The following SLC16A14 variants were observed in gnomAD, a reference collection of about 807,000 sequenced individuals.
The protein encoded by SLC16A14 is solute carrier family 16 member 14.
In SLC16A14, 14 loss-of-function variants were observed where a neutral mutation model predicts 35.8. The ratio of observed to expected loss-of-function variants is 0.39; its 90% CI spans 0.26 to 0.61. SLC16A14 has a LOEUF of 0.61. Ranked by LOEUF, SLC16A14 falls within the 20% of genes least tolerant of loss-of-function variation. SLC16A14 has a pLI of 0.51. For missense variants in SLC16A14, 533 were observed against 655.0 expected (o/e 0.81, Z 2.03); for synonymous variants, 248 against 258.9 (o/e 0.96, Z 0.40).
At position 230,046,631 on chromosome 2, in the gene SLC16A14, G is replaced by A; in HGVS notation, c.495C>T (p.Thr165=). The stretch of plus-strand genomic sequence containing the variant: ...GGAACGTACCGAATCCGGTCCCCGT[G>A]GTGCTGAGGCCCTGGGCGAGGGCGC... ...KRRALAQGLS[T]TGTGFGTFLM... is the part of the protein sequence containing the mutation. The change falls in exon 4 of 5, where the codon ACC becomes ACT. Residue 165 remains threonine, a synonymous_variant. Transcript: ENST00000295190. This position sits in a 1 kb window ranked among gnomAD's most constrained non-coding sequence, Gnocchi z 5.0. 1 of 1,611,468 alleles carries A rather than the reference G, an allele frequency of 6.2e-7. No individual in the cohort carries two copies. Among genetic ancestry groups the A allele is most frequent in the Non-Finnish European group, 8.5e-7 (1 of 1,180,022 alleles).
chr2:230,060,663 G>A (rs58968510), intron 1 of SLC16A14, among the ~76,000 whole-genome samples: 70,906 of 151,506 alleles, frequency 0.47, 17,197 homozygotes, highest in African/African-American at 0.55. Context: ...TGCCTGGCCT[G>A]TTTCATTTTT....
intron 1 of SLC16A14, among the ~76,000 whole-genome samples, chr2:230,063,013 C>T (rs1044993627): frequency 1.3e-5 from 2 of 151,986 alleles, no homozygotes; most frequent in South Asian, 2.1e-4. Flanking sequence ...TCCAGGCCGG[C>T]GCAGTGGTTC....
Position 230,046,575 on chromosome 2 carries a change from G to C in SLC16A14, c.551C>G (p.Ala184Gly), listed in dbSNP as rs953640826. 2 of 1,614,174 alleles carry C rather than the reference G, an allele frequency of 1.2e-6. No homozygotes were observed. Among genetic ancestry groups the C allele is most frequent in the Admixed American group, 3.3e-5 (2 of 60,026 alleles). ...CATGGCATTCCTCCAGCCGTACTCT[G>C]CGCACAGGTACTTCAGCAGCACAGT... ...LMTVLLKYLCAEYGWRNAMLI... is the reference protein window; with the variant it reads ...LMTVLLKYLCGEYGWRNAMLI... The change falls in exon 4 of 5, where the codon GCA becomes GGA. Residue 184 changes from alanine to glycine, a missense_variant. Coordinates refer to ENST00000295190, the MANE Select transcript of SLC16A14 (RefSeq NM_152527.5). The surrounding 1 kb of genome is among the most constrained non-coding windows in gnomAD (Gnocchi z 5.0).
chr2:230,043,361 C>T lies in SLC16A14; in HGVS notation c.1381+2384G>A, dbSNP rs577549951. The stretch of plus-strand genomic sequence containing the variant: ...TTCAAATTTCAAGCGGATTTAAAAG[C>T]GTGTTTGTTGGTGCAAGCTCTCTGC... On this transcript the variant is annotated intron_variant, in intron 4 of 4. Transcript: ENST00000295190. Among the ~76,000 whole-genome samples the T allele has an allele frequency of 2.1e-3, 315 of 152,248 alleles. 1 individual carries two copies. The highest frequency in any genetic ancestry group is 0.014 in the Middle Eastern group (4 of 294).
At chr2:230,060,496 C>T (rs776053054) in intron 1 of SLC16A14, among the ~76,000 whole-genome samples, 1 of 149,860 alleles carries the variant, frequency 6.7e-6, no homozygotes, top group Non-Finnish European at 1.5e-5. Context: ...GTACATGCCA[C>T]CATGCCTAGC....
chr2:230,065,774 T>C (rs2077790434), intron 1 of SLC16A14, among the ~76,000 whole-genome samples: 1 of 152,006 alleles, frequency 6.6e-6, no homozygotes, highest in South Asian at 2.1e-4. Context: ...ATTATATACA[T>C]GTATAATTAT....
chr2:230,067,375 C>A (rs576868389), intron 1 of SLC16A14: 1 of 152,378 alleles, frequency 6.6e-6, no homozygotes, highest in Non-Finnish European at 1.5e-5. Flanking sequence ...CATGAATGTC[C>A]GCATTTTACA....
At chr2:230,063,290 CAAAAAAAA>C (rs6147218) in intron 1 of SLC16A14, among the ~76,000 whole-genome samples, 5 of 100,676 alleles carry the variant, frequency 5.0e-5, no homozygotes, top group Non-Finnish European at 7.6e-5. Flanking sequence ...AACTCTGTCT[CAAAAAAAA>C]AAAAAAAAAA....
chr2:230,065,174 G>A (rs2077783585), intron 1 of SLC16A14, among the ~76,000 whole-genome samples: 1 of 152,190 alleles, frequency 6.6e-6, no homozygotes. Context: ...TTTCCAGTTT[G>A]TTCATAAATA....
chr2:230,045,762 A>G lies in SLC16A14; in HGVS notation c.1364T>C (p.Leu455Pro), dbSNP rs1429617507. The G allele has an allele frequency of 1.9e-6, 3 of 1,614,118 alleles. No individual in the cohort carries two copies. The highest frequency in any genetic ancestry group is 2.5e-6 in the Non-Finnish European group (3 of 1,180,056). ...GAGTTTACCTGCAAAAGGTGGTCCC[A>G]GCAATGCAGAGATGCCATTAGCACA... ...IICANGISAL[L>P]GPPFAGWIYD... Residue 455 changes from leucine (L) to proline (P), a missense_variant, in exon 4 of 5, where the codon CTG becomes CCG. By Grantham distance (98) the Leu-to-Pro change is moderately conservative. Transcript: ENST00000295190.
intron 1 of SLC16A14, among the ~76,000 whole-genome samples, chr2:230,067,534 TTC>T (rs145179402): frequency 0.027 from 3,455 of 128,236 alleles, 125 homozygotes; most frequent in African/African-American, 0.084. Flanking sequence ...CTCCCCTCTC[TTC>T]TCTCTCTCTC....
chr2:230,061,462 A>G lies in SLC16A14; in HGVS notation c.-14-2096T>C, dbSNP rs190357070. ...CTAAGAGTTCAGAATTGTTGGCAAA[A>G]CAATACCCACTTGGCAAAATCCACA... is the stretch of plus-strand genomic sequence containing the variant. On this transcript the variant is annotated intron_variant, in intron 1 of 4. Transcript: ENST00000295190. 3.8e-3 allele frequency among the ~76,000 whole-genome samples: 583 copies of G among 152,282 alleles called. 6 individuals are homozygous for G. The highest frequency in any genetic ancestry group is 7.0e-3 in the Admixed American group (107 of 15,302).
intron 4 of SLC16A14, among the ~76,000 whole-genome samples, chr2:230,041,988 C>T (rs1171823326): frequency 6.6e-6 from 1 of 152,180 alleles, no homozygotes; most frequent in Non-Finnish European, 1.5e-5. Context: ...AAACATCATG[C>T]AGGTAGCCAA....
At chr2:230,054,405 GTAGC>G (rs1383132194) in intron 2 of SLC16A14, among the ~76,000 whole-genome samples, 5 of 152,162 alleles carry the variant, frequency 3.3e-5, no homozygotes, top group Non-Finnish European at 7.3e-5. Flanking sequence ...AGCTCCACAG[GTAGC>G]TACTCTATGT....
chr2:230,061,922 A>G (rs1021544700), intron 1 of SLC16A14, among the ~76,000 whole-genome samples: 1 of 151,666 alleles, frequency 6.6e-6, no homozygotes, highest in African/African-American at 2.4e-5. Flanking sequence ...TTGTATTTTT[A>G]TTAGAGACGG....
chr2:230,055,495 A>G (rs1431542634), intron 2 of SLC16A14, among the ~76,000 whole-genome samples: 2 of 152,250 alleles, frequency 1.3e-5, no homozygotes, highest in Admixed American at 6.5e-5. Context: ...CTTTCCCTGT[A>G]GAAAGATTAG....
intron 2 of SLC16A14, among the ~76,000 whole-genome samples, chr2:230,050,448 C>T (rs1267205001): frequency 6.6e-6 from 1 of 151,984 alleles, no homozygotes; most frequent in African/African-American, 2.4e-5. Flanking sequence ...GGCTTCTTTC[C>T]AAATAGAAAG....
At chr2:230,053,874 G>A (rs529808938) in intron 2 of SLC16A14, among the ~76,000 whole-genome samples, 26 of 152,284 alleles carry the variant, frequency 1.7e-4, no homozygotes, top group African/African-American at 6.0e-4. Context: ...AAAAAGCGCT[G>A]GTAGAGGAGC....
rs1477673107 is a variant in SLC16A14, at chr2:230,037,337, G to A, written c.*43C>T. The stretch of plus-strand genomic sequence containing the variant: ...GCCTCACAGCAACCATGCGAGGTAG[G>A]CATGAGTATTACAATGAAACCTACA... On this transcript the variant is annotated 3_prime_UTR_variant, in exon 5 of 5. Transcript: ENST00000295190. 19 of 1,521,570 alleles carry A rather than the reference G, an allele frequency of 1.2e-5. No homozygotes were observed. Among genetic ancestry groups the A allele is most frequent in the Non-Finnish European group, 1.6e-5 (18 of 1,136,342 alleles). The allele number at this position is 1,521,570 out of a possible 1,614,324, so 94.3% of individuals were successfully genotyped here. A position where few individuals can be genotyped will look rare whatever the true frequency, so the allele number is the denominator to read the frequency against.
Sources: allele counts gnomAD v4.1 joint callset (sites outside exome capture counted in the v4.1 genomes callset), GRCh38; gene constraint gnomAD v4.1.1; non-coding constraint Gnocchi (gnomAD v3.1); transcripts MANE v1.5; gene names NCBI Gene and HGNC (gene_info 2026-07-23, HGNC 2026-07-21).